The following PCDHGA2 variants were observed in gnomAD, a reference collection of about 807,000 sequenced individuals.
PCDHGA2 encodes protocadherin gamma subfamily A, 2, also known as protocadherin gamma-A2.
PCDHGA2 carries 40 observed loss-of-function variants against 59.2 expected under a neutral mutation model. That is an observed-to-expected ratio of 0.68 (90% CI 0.52 to 0.88). PCDHGA2 has a LOEUF of 0.88. Among genes scored for constraint, PCDHGA2 ranks in the 40% least tolerant of loss-of-function variants. The probability of loss-of-function intolerance (pLI) is 0.00; values close to 1 mark genes in which losing one functional copy is unlikely to be tolerated. For synonymous variants in PCDHGA2, 560 were observed against 526.0 expected (o/e 1.06, Z -0.89); for missense variants, 1,226 against 1,204.0 (o/e 1.02, Z -0.27).
At position 141,351,884 on chromosome 5, in the gene PCDHGA2, G is replaced by A. The variant is rs755575621; in HGVS notation, c.2424+10489G>A. On this transcript the variant is annotated intron_variant, in intron 1 of 3. Coordinates refer to ENST00000394576, the MANE Select transcript of PCDHGA2 (RefSeq NM_018915.4). ...GGGCTCCCCCGCGCTCAGCGCCAAC[G>A]TGAGCCTGCGCGTGTTGGTGGGCGA... 6.8e-6 allele frequency: 11 copies of A among 1,613,248 alleles called. No individual in the cohort carries two copies. In the East Asian group the frequency reaches 1.8e-4, roughly 26 times the overall value.
At chr5:141,373,971 C>A in intron 1 of PCDHGA2, 2 of 1,026,814 alleles carry the variant, frequency 1.9e-6, no homozygotes, top group Non-Finnish European at 2.7e-6. Flanking sequence ...AAACGCTTCG[C>A]ATCCGGTCTC....
At chr5:141,409,896 C>A (rs1181128940) in intron 1 of PCDHGA2, 1 of 1,613,240 alleles carries the variant, frequency 6.2e-7, no homozygotes, top group African/African-American at 1.3e-5. Context: ...GTGCTGTACC[C>A]AGCTCTGGGT....
chr5:141,387,614 T>C (rs2091011587), intron 1 of PCDHGA2: 9 of 565,798 alleles, frequency 1.6e-5, no homozygotes, highest in Non-Finnish European at 2.8e-5. Flanking sequence ...TGTAGTTTCC[T>C]AGTGCTGACT....
At chr5:141,371,891 G>A (rs771271665) in intron 1 of PCDHGA2, 3 of 1,613,446 alleles carry the variant, frequency 1.9e-6, no homozygotes, top group Non-Finnish European at 2.5e-6. Flanking sequence ...TGGAGCCGCG[G>A]GAGCTGTCGT....
At chr5:141,388,115 G>C (rs747417828) in intron 1 of PCDHGA2, 1 of 1,410,070 alleles carries the variant, frequency 7.1e-7, no homozygotes. Flanking sequence ...ACTTCACCGT[G>C]AGCGCAGAGA....
At chr5:141,392,879 G>A in intron 1 of PCDHGA2, 2 of 1,613,512 alleles carry the variant, frequency 1.2e-6, no homozygotes, top group South Asian at 1.1e-5. Flanking sequence ...TGCTGGGAAC[G>A]CTGTGGGAAA....
intron 1 of PCDHGA2, chr5:141,399,651 G>A (rs1561671286): frequency 1.2e-6 from 2 of 1,613,738 alleles, no homozygotes; most frequent in Non-Finnish European, 1.7e-6. Flanking sequence ...CGCAAAGTGG[G>A]GTGGTGTTCG....
chr5:141,404,758 T>C, intron 1 of PCDHGA2: 1 of 1,613,742 alleles, frequency 6.2e-7, no homozygotes, highest in Non-Finnish European at 8.5e-7. Flanking sequence ...GCCAGAATGC[T>C]TGGCTCTCCT....
At chr5:141,353,898 A>G (rs1759411313) in intron 1 of PCDHGA2, among the ~76,000 whole-genome samples, 1 of 152,366 alleles carries the variant, frequency 6.6e-6, no homozygotes, top group East Asian at 1.9e-4. Context: ...TAAATTCTGT[A>G]TAGCTAATGC....
At chr5:141,420,546 G>A in intron 1 of PCDHGA2, 1 of 284,254 alleles carries the variant, frequency 3.5e-6, no homozygotes, top group South Asian at 1.2e-4. Context: ...ATAAAATACA[G>A]GTATATTTTT....
rs576484406 is a variant in PCDHGA2, at chr5:141,344,997, C to T, written c.2424+3602C>T. The T allele has an allele frequency of 6.8e-6, 11 of 1,613,934 alleles. No individual in the cohort carries two copies. The African/African-American group carries it at 1.5e-4, about 22-fold the overall frequency. On this transcript the variant is annotated intron_variant, in intron 1 of 3. Coordinates refer to ENST00000394576, the MANE Select transcript of PCDHGA2 (RefSeq NM_018915.4). Reference sequence around the variant, plus strand: ...GTTCTATGAAATTAAAATTGAAGCACAGGATGGACCAGGTCTTCTTTCAAG... The same window carrying T: ...GTTCTATGAAATTAAAATTGAAGCATAGGATGGACCAGGTCTTCTTTCAAG...
chr5:141,360,572 C>T, intron 1 of PCDHGA2: 3 of 1,613,998 alleles, frequency 1.9e-6, no homozygotes, highest in East Asian at 2.2e-5. Flanking sequence ...GGCGAATCCA[C>T]TAAGCCAGGT....
chr5:141,377,398 G>A (rs1274775607), intron 1 of PCDHGA2: 1 of 152,106 alleles, frequency 6.6e-6, no homozygotes. Context: ...TTGAGACCAG[G>A]AGTTTGAGAC....
chr5:141,366,147 ACCG>A, intron 1 of PCDHGA2: 1 of 1,614,152 alleles, frequency 6.2e-7, no homozygotes, highest in East Asian at 2.2e-5. Flanking sequence ...TGGCTGTCCT[ACCG>A]CCTGCTTAAG....
intron 1 of PCDHGA2, chr5:141,418,882 C>G: frequency 1.2e-6 from 2 of 1,613,960 alleles, no homozygotes; most frequent in Non-Finnish European, 1.7e-6. Flanking sequence ...TAGACGAAAA[C>G]GACAACAGCC....
At chr5:141,390,341 A>T (rs766269615) in intron 1 of PCDHGA2, 5 of 1,587,538 alleles carry the variant, frequency 3.1e-6, no homozygotes, top group Non-Finnish European at 4.3e-6. Flanking sequence ...CATATTCACA[A>T]GAAAATATAC....
In PCDHGA2 at chr5:141,432,139, T is replaced by A. The variant is rs950514553; in HGVS notation, c.2425-62668T>A. ...TCCCTCAGGCCTCCTATTCCGCTTA[T>A]ATCCCAGAGAACAATCCCAGAGGAG... is the stretch of plus-strand genomic sequence containing the variant. On this transcript the variant is annotated intron_variant, in intron 1 of 3. Transcript: ENST00000394576. The surrounding 1 kb of genome is among the most constrained non-coding windows in gnomAD (Gnocchi z 6.0). The A allele has an allele frequency of 6.8e-6, 11 of 1,613,976 alleles. No individual in the cohort carries two copies. Among genetic ancestry groups the A allele is most frequent in the Non-Finnish European group, 9.3e-6 (11 of 1,180,032 alleles).
intron 1 of PCDHGA2, chr5:141,415,500 C>G (rs754684999): frequency 6.2e-6 from 10 of 1,614,074 alleles, no homozygotes; most frequent in Non-Finnish European, 8.5e-6. Context: ...TGATCTTCCC[C>G]CAGCCCAATT....
Position 141,422,537 on chromosome 5 carries a change from C to T in PCDHGA2, c.2425-72270C>T, listed in dbSNP as rs993210917. 2.5e-6 allele frequency: 4 copies of T among 1,613,874 alleles called. No individual in the cohort carries two copies. Among genetic ancestry groups the T allele is most frequent in the Non-Finnish European group, 3.4e-6 (4 of 1,179,894 alleles). ...GGAAGCCCGCCTTTGTCTGCAGAAA[C>T]TCATGTCTGGCTGAATGTGGCAGAT... is the stretch of plus-strand genomic sequence containing the variant. On this transcript the variant is annotated intron_variant, in intron 1 of 3. Coordinates refer to ENST00000394576, the MANE Select transcript of PCDHGA2 (RefSeq NM_018915.4).
Sources: gnomAD v4.1 joint callset for allele counts (sites outside exome capture counted in the v4.1 genomes callset) on GRCh38, gnomAD v4.1.1 for gene constraint, Gnocchi (gnomAD v3.1) non-coding constraint, MANE v1.5 for transcripts, NCBI Gene and HGNC (gene_info 2026-07-23, HGNC 2026-07-21) for gene names.